NLGN4X: variants seen among roughly 807,000 people sequenced by gnomAD.
NLGN4X encodes the protein neuroligin-4, X-linked.
A neutral mutation model predicts 40.3 loss-of-function variants in NLGN4X; 3 were observed. That is an observed-to-expected ratio of 0.07 (90% CI 0.03 to 0.19). The LOEUF (loss-of-function observed/expected upper bound fraction) is 0.19, where lower values mean the gene tolerates loss of function less well. NLGN4X is among the 10% of genes least tolerant of loss of function. NLGN4X has a pLI of 1.00. For synonymous variants in NLGN4X, 270 were observed against 306.8 expected (o/e 0.88, Z 1.25); for missense variants, 382 against 708.3 (o/e 0.54, Z 5.23).
chrX:5,934,790 T>C (rs890606245), intron 3 of NLGN4X, among the ~76,000 whole-genome samples: 1 of 111,748 alleles, frequency 8.9e-6, no homozygotes, highest in Admixed American at 9.5e-5. Flanking sequence ...CATAATAGAG[T>C]GATAACAGAC....
intron 2 of NLGN4X, among the ~76,000 whole-genome samples, chrX:6,142,078 T>C (rs2039958997): frequency 8.9e-6 from 1 of 111,991 alleles, no homozygotes; most frequent in Admixed American, 9.5e-5. Flanking sequence ...ATGCACTATG[T>C]GAAAATTTGA....
chrX:6,100,307 G>C (rs1424572155), intron 2 of NLGN4X, among the ~76,000 whole-genome samples: 4 of 112,630 alleles, frequency 3.6e-5, no homozygotes. Context: ...GTGCTGCAGA[G>C]ATTTTGTTTT....
chrX:6,168,605 C>T (rs899949221), intron 1 of NLGN4X, among the ~76,000 whole-genome samples: 55 of 111,579 alleles, frequency 4.9e-4, no homozygotes, highest in African/African-American at 1.6e-3. Flanking sequence ...CCACAAGAAG[C>T]TGGGACTACA....
At chrX:6,203,372 T>C (rs113687346) in intron 1 of NLGN4X, among the ~76,000 whole-genome samples, 11,385 of 111,857 alleles carry the variant, frequency 0.1, 488 homozygotes, top group South Asian at 0.17. Flanking sequence ...GTCTAGCTTC[T>C]GAGATGGCCA....
chrX:6,081,897 G>A (rs2038359093), intron 2 of NLGN4X, among the ~76,000 whole-genome samples: 1 of 111,963 alleles, frequency 8.9e-6, no homozygotes, highest in African/African-American at 3.2e-5. Context: ...GTACAGTTGC[G>A]ATCAATAAAG....
intron 5 of NLGN4X, among the ~76,000 whole-genome samples, chrX:5,900,657 T>C (rs2031805553): frequency 9.7e-6 from 1 of 103,293 alleles, no homozygotes; most frequent in African/African-American, 3.6e-5. Flanking sequence ...CACTGCAGCC[T>C]TGACCTCCTG....
chrX:6,215,521 C>A (rs185815179), intron 1 of NLGN4X, among the ~76,000 whole-genome samples: 40 of 98,505 alleles, frequency 4.1e-4, no homozygotes, highest in Admixed American at 1.4e-3. Flanking sequence ...TGCACTCCAG[C>A]GTGGGTAACG....
intron 2 of NLGN4X, among the ~76,000 whole-genome samples, chrX:6,101,911 G>A (rs984535567): frequency 1.0e-4 from 11 of 108,116 alleles, no homozygotes; most frequent in African/African-American, 2.4e-4. Context: ...CCAGGTTCAC[G>A]CCATTCTCCT....
intron 3 of NLGN4X, among the ~76,000 whole-genome samples, chrX:6,007,278 T>A (rs2036126140): frequency 9.0e-6 from 1 of 111,028 alleles, no homozygotes; most frequent in Admixed American, 9.6e-5. Flanking sequence ...CACATTAACA[T>A]ACAGGGTAGA....
rs1319372408 is a variant in NLGN4X, at chrX:5,925,899, T to TATACATACAC, written c.626-16661_626-16660insGTGTATGTAT. On this transcript the variant is annotated intron_variant, in intron 3 of 5. Coordinates refer to ENST00000381095, the MANE Select transcript of NLGN4X (RefSeq NM_181332.3). ...ATACACACATATATATATATATATA[T>TATACATACAC]ATATATATATATATATATATATATA... Among the ~76,000 whole-genome samples, 8 of 31,305 alleles carry TATACATACAC rather than the reference T, an allele frequency of 2.6e-4. No homozygotes were observed. In the African/African-American group the frequency reaches 2.7e-3, roughly 10 times the overall value. The allele number at this position is 31,305 out of a possible 115,157, so 27.2% of individuals were successfully genotyped here. A position where few individuals can be genotyped will look rare whatever the true frequency, so the allele number is the denominator to read the frequency against.
At chrX:6,188,911 A>G (rs1922314390) in intron 1 of NLGN4X, among the ~76,000 whole-genome samples, 1 of 112,524 alleles carries the variant, frequency 8.9e-6, no homozygotes, top group Non-Finnish European at 1.9e-5. Flanking sequence ...ACAAAACCAG[A>G]AAGTGTTCAG....
At chrX:5,995,987 C>T (rs2035806392) in intron 3 of NLGN4X, among the ~76,000 whole-genome samples, 1 of 111,880 alleles carries the variant, frequency 8.9e-6, no homozygotes, top group Non-Finnish European at 1.9e-5. Flanking sequence ...CTTTGTCTTA[C>T]AATTAAACTT....
intron 3 of NLGN4X, among the ~76,000 whole-genome samples, chrX:5,922,914 A>G (rs1249971392): frequency 9.0e-6 from 1 of 111,062 alleles, no homozygotes; most frequent in African/African-American, 3.3e-5. Context: ...AACAAGAAAA[A>G]CCATATGAAG....
At chrX:6,165,301 GAAGAA>G (rs2040475293) in intron 1 of NLGN4X, among the ~76,000 whole-genome samples, 1 of 111,552 alleles carries the variant, frequency 9.0e-6, no homozygotes, top group East Asian at 2.8e-4. Flanking sequence ...GAATAGGATG[GAAGAA>G]AAGAGTCGTA....
chrX:6,071,409 A>C (rs914986108), intron 2 of NLGN4X, among the ~76,000 whole-genome samples: 9 of 111,719 alleles, frequency 8.1e-5, no homozygotes, highest in African/African-American at 2.9e-4. Flanking sequence ...ATTTTAAAAT[A>C]AAGCTTCCAT....
chrX:6,179,440 A>G (rs761713160), intron 1 of NLGN4X, among the ~76,000 whole-genome samples: 1 of 112,052 alleles, frequency 8.9e-6, no homozygotes, highest in South Asian at 3.8e-4. Flanking sequence ...TACAATATCA[A>G]CCTGCTCCGA....
At chrX:6,170,030 A>T (rs746872406) in intron 1 of NLGN4X, among the ~76,000 whole-genome samples, 1 of 109,273 alleles carries the variant, frequency 9.2e-6, no homozygotes, top group Non-Finnish European at 1.9e-5. Context: ...TTTTTGAAAC[A>T]GGGTCTCACT....
intron 1 of NLGN4X, among the ~76,000 whole-genome samples, chrX:6,191,202 T>A (rs940752865): frequency 9.0e-6 from 1 of 111,340 alleles, no homozygotes; most frequent in Non-Finnish European, 1.9e-5. Flanking sequence ...CAGTAGAGGT[T>A]AATGATTACC....
In NLGN4X at chrX:6,136,986, C is replaced by T. The variant is rs905770083; in HGVS notation, c.472+14009G>A. ...CTGGCATTCTTAGGCAGCATATGTA[C>T]GCAGAATATACCTAATCCAGACTGC... is the stretch of plus-strand genomic sequence containing the variant. On this transcript the variant is annotated intron_variant, in intron 2 of 5. Transcript: ENST00000381095. Among the ~76,000 whole-genome samples, 3 of 112,406 alleles carry T rather than the reference C, an allele frequency of 2.7e-5. No individual in the cohort carries two copies. In the Admixed American group the frequency reaches 2.8e-4, roughly 11 times the overall value.
Sources: allele counts gnomAD v4.1 joint callset (sites outside exome capture counted in the v4.1 genomes callset), GRCh38; gene constraint gnomAD v4.1.1; transcripts MANE v1.5; gene names NCBI Gene and HGNC (gene_info 2026-07-23, HGNC 2026-07-21).